Variants in LTB observed in about 807,000 individuals in gnomAD.
LTB encodes the protein lymphotoxin beta.
A neutral mutation model predicts 14.7 loss-of-function variants in LTB; 17 were observed. The observed-to-expected ratio is 1.16, with a 90% confidence interval of 0.79 to 1.73. The LOEUF is 1.73. LTB is among the 40% of genes most tolerant of loss of function. LTB has a pLI of 0.00. For missense variants in LTB, 288 were observed against 324.3 expected, an observed-to-expected ratio of 0.89 and a Z score of 0.86; for synonymous variants, 163 against 157.3, an observed-to-expected ratio of 1.04 and a Z score of -0.27.
Position 31,580,958 on chromosome 6 carries a change from A to G in LTB, c.486T>C (p.Ser162=), listed in dbSNP as rs1217405575. Residue 162 remains serine, a synonymous_variant, in exon 4 of 4, where the codon TCT becomes TCC. Coordinates refer to ENST00000429299, the MANE Select transcript of LTB (RefSeq NM_002341.2). This position sits in a 1 kb window ranked among gnomAD's most constrained non-coding sequence, Gnocchi z 6.6. ...CGTAGGCGCCCCCCGCCCGGTACAG[A>G]GAGCTGCGCAGCGTGACCGAGCGGC... ...PQGRSVTLRS[S]LYRAGGAYGP... is the part of the protein sequence containing the mutation. 1.3e-6 allele frequency: 2 copies of G among 1,568,724 alleles called. No homozygotes were observed. Among genetic ancestry groups the G allele is most frequent in the South Asian group, 2.3e-5 (2 of 86,582 alleles).
intron 1 of LTB, 75 bp downstream of exon 1, chr6:31,582,181 A>G (rs1771593094): frequency 1.9e-6 from 3 of 1,568,924 alleles, no homozygotes; most frequent in African/African-American, 1.4e-5. Context: ...GGGGCAAAAG[A>G]CCACAGGCAC....
intron 1 of LTB, 162 bp from the exon 2 acceptor site, chr6:31,582,021 G>A: frequency 1.2e-6 from 1 of 819,180 alleles, no homozygotes. Flanking sequence ...TAGGTACTTG[G>A]GCGGAGAAAC....
At position 31,580,751 on chromosome 6, in the gene LTB, G is replaced by C; in HGVS notation, c.693C>G (p.Phe231Leu). The change falls in exon 4 of 4, where the codon TTC (phenylalanine) becomes TTG (leucine). Residue 231 changes from phenylalanine to leucine, a missense_variant. Transcript: ENST00000429299. This position sits in a 1 kb window ranked among gnomAD's most constrained non-coding sequence, Gnocchi z 6.6. ...CCCCAAAGAAGGTCTTCCCTCTCGC[G>C]AAGTCCACCATATCGGGGTGACTGA... ...VNISHPDMVDFARGKTFFGAV... is the reference protein window; with the variant it reads ...VNISHPDMVDLARGKTFFGAV... 6.2e-7 allele frequency: 1 copy of C among 1,612,862 alleles called. No homozygotes were observed. Among genetic ancestry groups the C allele is most frequent in the Non-Finnish European group, 8.5e-7 (1 of 1,179,902 alleles).
In LTB at chr6:31,582,331, C is replaced by T. The variant is rs761424698; in HGVS notation, c.87G>A (p.Leu29=). 3.1e-6 allele frequency: 5 copies of T among 1,613,052 alleles called. No homozygotes were observed. In the South Asian group the frequency reaches 5.5e-5, roughly 18 times the overall value. The change falls in exon 1 of 4, where the codon CTG becomes CTA. Residue 29 remains leucine, a synonymous_variant. Transcript: ENST00000429299. The part of the protein sequence containing the change: ...LLLAVAGATS[L]VTLLLAVPIT... The stretch of plus-strand genomic sequence containing the variant: ...TAGGCACCGCCAGCAACAAGGTCAC[C>T]AGAGAAGTGGCTCCTGCCACAGCTA...
Position 31,581,159 on chromosome 6 carries a change from A to G in LTB, c.285T>C (p.Ala95=), listed in dbSNP as rs1286391467. 6.5e-7 allele frequency: 1 copy of G among 1,530,598 alleles called. No homozygotes were observed. Among genetic ancestry groups the G allele is most frequent in the African/African-American group, 1.4e-5 (1 of 71,684 alleles). 94.8% of individuals were successfully genotyped at this position (1,530,598 alleles called of 1,614,324 possible). The change falls in exon 4 of 4, where the codon GCT becomes GCC. Residue 95 remains alanine, a synonymous_variant. Coordinates refer to ENST00000429299, the MANE Select transcript of LTB (RefSeq NM_002341.2). The part of the protein sequence containing the change: ...PGLPAAHLIG[A]PLKGQGLGWE... ...AGCCTAGCCCCTGCCCCTTCAGCGGAGCGCCTGCGGAGACACGGGCCGACG... is the reference window on the plus strand; with the variant it reads ...AGCCTAGCCCCTGCCCCTTCAGCGGGGCGCCTGCGGAGACACGGGCCGACG...
At chr6:31,582,009 C>T (rs1771573781) in intron 1 of LTB, 150 bp from the exon 2 acceptor site, 1 of 863,198 alleles carries the variant, frequency 1.2e-6, no homozygotes, top group South Asian at 1.7e-5. Context: ...ACAAGCAAGG[C>T]ATAGGTACTT....
chr6:31,581,235 G>A (rs796376260), intron 3 of LTB, 72 bp from the exon 4 acceptor site: 2 of 1,409,596 alleles, frequency 1.4e-6, no homozygotes, highest in Non-Finnish European at 9.5e-7. Context: ...GGAAGTGGCG[G>A]CTTTTAGCCC....
At chr6:31,581,211 C>G (rs1771487565) in intron 3 of LTB, 48 bp from the exon 4 acceptor site, 1 of 1,482,986 alleles carries the variant, frequency 6.7e-7, no homozygotes, top group African/African-American at 1.4e-5. Flanking sequence ...ATCCTAAAGG[C>G]TTGGGACTTC....
chr6:31,581,684 T>C (rs1771529246), intron 2 of LTB, 54 bp from the exon 3 acceptor site: 2 of 1,599,958 alleles, frequency 1.3e-6, no homozygotes, highest in Admixed American at 1.7e-5. Flanking sequence ...CCATGCAGGC[T>C]ACCCTTGAGA....
intron 1 of LTB, 42 bp from the exon 2 acceptor site, chr6:31,581,901 T>A (rs189710917): frequency 6.5e-7 from 1 of 1,544,270 alleles, no homozygotes; most frequent in East Asian, 2.3e-5. Flanking sequence ...CAGATTCAGC[T>A]CATGTCACCC....
rs534349570 is a variant in LTB, at chr6:31,580,661, G to C, written c.*48C>G. On this transcript the variant is annotated 3_prime_UTR_variant, in exon 4 of 4. Coordinates refer to ENST00000429299, the MANE Select transcript of LTB (RefSeq NM_002341.2). The surrounding 1 kb of genome is among the most constrained non-coding windows in gnomAD (Gnocchi z 6.6). ...TTCCCACTGCCATGGGGTCCTGGGC[G>C]TCCGGGCCCCCAATATTCACGCACT... 2.0e-6 allele frequency: 3 copies of C among 1,534,612 alleles called. No individual in the cohort carries two copies. The highest frequency in any genetic ancestry group is 4.6e-5 in the East Asian group (2 of 43,724).
intron 1 of LTB, 41 bp from the exon 2 acceptor site, chr6:31,581,900 C>CATGTCACCCAAGAGTTCAGATTCAGG: frequency 6.5e-7 from 1 of 1,544,246 alleles, no homozygotes; most frequent in East Asian, 2.3e-5. Context: ...TCAGATTCAG[C>CATGTCACCCAAGAGTTCAGATTCAGG]TCATGTCACC....
rs1375473912 is a variant in LTB at position 31,581,558 on chromosome 6, C to T, written c.280+1G>A. ...CTTATTCAGGTCTTGGAGGTCCTTA[C>T]CTATGAGGTGGGCAGCTGGGAGCCC... On this transcript the variant is annotated splice_donor_variant, in intron 3 of 3. Coordinates refer to ENST00000429299, the MANE Select transcript of LTB (RefSeq NM_002341.2). LOFTEE classifies it high-confidence loss of function. The T allele has an allele frequency of 6.2e-7, 1 of 1,612,786 alleles. No individual in the cohort carries two copies. The highest frequency in any genetic ancestry group is 1.1e-5 in the South Asian group (1 of 91,072).
intron 3 of LTB, 44 bp downstream of exon 3, chr6:31,581,515 C>T: frequency 6.3e-7 from 1 of 1,575,746 alleles, no homozygotes; most frequent in Non-Finnish European, 8.7e-7. Flanking sequence ...GAACTGGAAC[C>T]TTCGGATTAT....
At position 31,581,834 on chromosome 6, in the gene LTB, GCCCCGGGGTCGGCCGTCT is replaced by G. The variant is rs1562486705; in HGVS notation, c.170_187del (p.Glu57_Gly62del). ...CTTACCCAGTCCTTGCTGGGCCTGT[GCCCCGGGGTCGGCCGTCT>G]CCGTTACCTGGTTGGGTGGGGTCAC... On this transcript the variant is annotated inframe_deletion, in exon 2 of 4. Transcript: ENST00000429299. The G allele has an allele frequency of 6.2e-7, 1 of 1,603,176 alleles. No individual in the cohort carries two copies. Among genetic ancestry groups the G allele is most frequent in the Non-Finnish European group, 8.5e-7 (1 of 1,176,030 alleles).
At chr6:31,581,888 G>A (rs532552573) in intron 1 of LTB, 29 bp from the exon 2 acceptor site, 5 of 1,558,346 alleles carry the variant, frequency 3.2e-6, no homozygotes, top group African/African-American at 1.4e-5. Context: ...AGTGCCCAGA[G>A]TTCAGATTCA....
In LTB at chr6:31,580,701, A is replaced by G; in HGVS notation, c.*8T>C. 2 of 1,602,902 alleles carry G rather than the reference A, an allele frequency of 1.2e-6. No individual in the cohort carries two copies. Among genetic ancestry groups the G allele is most frequent in the Non-Finnish European group, 1.7e-6 (2 of 1,173,410 alleles). On this transcript the variant is annotated 3_prime_UTR_variant, in exon 4 of 4. Coordinates refer to ENST00000429299, the MANE Select transcript of LTB (RefSeq NM_002341.2). This position sits in a 1 kb window ranked among gnomAD's most constrained non-coding sequence, Gnocchi z 6.6. The stretch of plus-strand genomic sequence containing the variant: ...ATTCACGCACTCGCACCACGCACTC[A>G]TATTCCCTCACCCCACCATCACGGC...
chr6:31,581,846 G>GCCGTCT lies in LTB; in HGVS notation c.170_175dup (p.Glu57_Thr58dup). The GCCGTCT allele has an allele frequency of 6.3e-7, 1 of 1,597,256 alleles. No homozygotes were observed. The highest frequency in any genetic ancestry group is 8.5e-7 in the Non-Finnish European group (1 of 1,173,212). On this transcript the variant is annotated inframe_insertion, in exon 2 of 4. Coordinates refer to ENST00000429299, the MANE Select transcript of LTB (RefSeq NM_002341.2). ...TTGCTGGGCCTGTGCCCCGGGGTCG[G>GCCGTCT]CCGTCTCCGTTACCTGGTTGGGTGG... is the stretch of plus-strand genomic sequence containing the variant.
rs570146198 is a variant in LTB at position 31,581,993 on chromosome 6, G to A, written c.163-134C>T. The A allele has an allele frequency of 7.5e-6, 7 of 939,368 alleles. No individual in the cohort carries two copies. The Middle Eastern group carries it at 6.7e-4, about 90-fold the overall frequency. 58.2% of individuals were successfully genotyped at this position (939,368 alleles called of 1,614,324 possible). On this transcript the variant is annotated intron_variant, in intron 1 of 3. Transcript: ENST00000429299. ...ATCCCCAACACACACCTCCTTAGAAGGGAGAACAAGCAAGGCATAGGTACT... is the reference window on the plus strand; with the variant it reads ...ATCCCCAACACACACCTCCTTAGAAAGGAGAACAAGCAAGGCATAGGTACT...
Sources: allele counts gnomAD v4.1 joint callset, GRCh38; gene constraint gnomAD v4.1.1; non-coding constraint Gnocchi (gnomAD v3.1); transcripts MANE v1.5; gene names NCBI Gene and HGNC (gene_info 2026-07-23, HGNC 2026-07-21).